Variants in PTPRG observed in about 807,000 individuals in gnomAD.
PTPRG encodes the protein protein tyrosine phosphatase receptor type G.
Under a neutral mutation model 165.3 loss-of-function variants are expected in PTPRG, and 102 were observed. The observed-to-expected ratio is 0.62, with a 90% CI of 0.53 to 0.73. The LOEUF is 0.73. PTPRG is among the 30% of genes least tolerant of loss of function. PTPRG has a pLI of 0.00. For missense variants in PTPRG, 1,866 were observed against 1,861.4 expected (o/e 1.00, Z -0.05); for synonymous variants, 675 against 669.5 (o/e 1.01, Z -0.13).
chr3:61,676,143 G>A (rs1418649288), intron 1 of PTPRG, among the ~76,000 whole-genome samples: 3 of 152,084 alleles, frequency 2.0e-5, no homozygotes, highest in Non-Finnish European at 2.9e-5. Flanking sequence ...AAACAATCAT[G>A]AAAAATCTTT....
intron 5 of PTPRG, among the ~76,000 whole-genome samples, chr3:62,097,047 T>A (rs559084216): frequency 1.3e-5 from 2 of 152,210 alleles, no homozygotes; most frequent in African/African-American, 4.8e-5. Flanking sequence ...TTGACAACAT[T>A]AGCAACCCAC....
At chr3:61,894,621 C>T (rs990937467) in intron 2 of PTPRG, among the ~76,000 whole-genome samples, 1 of 152,078 alleles carries the variant, frequency 6.6e-6, no homozygotes, top group Non-Finnish European at 1.5e-5. Context: ...TAAAGGTAAT[C>T]GCCTAACTTA....
Position 61,600,171 on chromosome 3 carries a change from AAAAT to A in PTPRG, c.85+37801_85+37804del, listed in dbSNP as rs1352653035. Among the ~76,000 whole-genome samples, 208 of 107,224 alleles carry A rather than the reference AAAAT, an allele frequency of 1.9e-3. 1 individual carries two copies. The South Asian group carries it at 0.02, about 10-fold the overall frequency. The allele number at this position is 107,224 out of a possible 152,430, so 70.3% of individuals were successfully genotyped here. On this transcript the variant is annotated intron_variant, in intron 1 of 29. Coordinates refer to ENST00000474889, the MANE Select transcript of PTPRG (RefSeq NM_002841.4). ...TGAGACATTGTCTCAAAAAAAAAAA[AAAAT>A]ATATATATATATATATATGTGTGTG...
intron 2 of PTPRG, among the ~76,000 whole-genome samples, chr3:61,822,164 A>G (rs140285896): frequency 1.3e-5 from 2 of 152,228 alleles, no homozygotes; most frequent in African/African-American, 4.8e-5. Context: ...ATGCTCCTCT[A>G]TGGCAACATT....
At chr3:61,821,941 G>A (rs943242784) in intron 2 of PTPRG, among the ~76,000 whole-genome samples, 6 of 152,222 alleles carry the variant, frequency 3.9e-5, no homozygotes, top group Non-Finnish European at 8.8e-5. Context: ...CCAAGTGCGT[G>A]CAGAAGCATA....
intron 27 of PTPRG, 72 bp downstream of exon 27, chr3:62,281,781 A>G: frequency 7.3e-7 from 1 of 1,366,772 alleles, no homozygotes; most frequent in Non-Finnish European, 9.9e-7. Context: ...TAATAATGAA[A>G]TAATTTACCA....
At position 62,293,552 on chromosome 3, in the gene PTPRG, C is replaced by CTGT; in HGVS notation, c.*245_*246insTGT. The CTGT allele has an allele frequency of 3.1e-6, 1 of 320,122 alleles. No homozygotes were observed. Among genetic ancestry groups the CTGT allele is most frequent in the Non-Finnish European group, 5.7e-6 (1 of 176,058 alleles). The allele number at this position is 320,122 out of a possible 1,614,324, so 19.8% of individuals were successfully genotyped here. A position where few individuals can be genotyped will look rare whatever the true frequency, so the allele number is the denominator to read the frequency against. On this transcript the variant is annotated 3_prime_UTR_variant, in exon 30 of 30. Transcript: ENST00000474889. Reference sequence around the variant, plus strand: ...TTGCACTATATGATCAGTGTTACTGCCTATAATCTTATACAACAGCAAACC... The same window carrying CTGT: ...TTGCACTATATGATCAGTGTTACTGCTGTCTATAATCTTATACAACAGCAAACC...
intron 5 of PTPRG, among the ~76,000 whole-genome samples, chr3:62,097,867 C>G (rs1284391856): frequency 6.6e-6 from 1 of 152,124 alleles, no homozygotes; most frequent in East Asian, 1.9e-4. Flanking sequence ...ATTTGAGATT[C>G]TCAAAAGCAC....
intron 1 of PTPRG, among the ~76,000 whole-genome samples, chr3:61,697,128 A>T (rs1049167654): frequency 6.6e-6 from 1 of 152,002 alleles, no homozygotes. Flanking sequence ...TAGGAGGGCC[A>T]CTCTCTGGCT....
chr3:61,972,951 G>T (rs565396955), intron 2 of PTPRG, among the ~76,000 whole-genome samples: 7 of 152,028 alleles, frequency 4.6e-5, no homozygotes, highest in African/African-American at 1.7e-4. Context: ...GCATCTCTGT[G>T]CCTGGCCTGG....
At chr3:61,974,523 A>G (rs937220708) in intron 2 of PTPRG, among the ~76,000 whole-genome samples, 1 of 152,032 alleles carries the variant, frequency 6.6e-6, no homozygotes, top group African/African-American at 2.4e-5. Context: ...GTTGCACTAC[A>G]GCCTGGGCAA....
rs1009457563 is a variant in PTPRG, at chr3:61,561,847, A to G, written c.-441A>G. On this transcript the variant is annotated 5_prime_UTR_variant, in exon 1 of 30. Transcript: ENST00000474889. Reference sequence around the variant, plus strand: ...AAGGAGCTGCCTGCCTGAAGCCCGGAGACGCCGCGCCGCGCTCAGCCCCGC... The same window carrying G: ...AAGGAGCTGCCTGCCTGAAGCCCGGGGACGCCGCGCCGCGCTCAGCCCCGC... 6.5e-6 allele frequency: 1 copy of G among 152,962 alleles called. No individual in the cohort carries two copies. Among genetic ancestry groups the G allele is most frequent in the Non-Finnish European group, 1.5e-5 (1 of 68,756 alleles). The allele number at this position is 152,962 out of a possible 1,614,324, so 9.5% of individuals were successfully genotyped here.
chr3:62,172,833 T>C (rs929336663), intron 8 of PTPRG, among the ~76,000 whole-genome samples: 2 of 152,234 alleles, frequency 1.3e-5, no homozygotes, highest in Non-Finnish European at 2.9e-5. Context: ...CTGATAATTA[T>C]TGGAAGCTTT....
chr3:61,738,972 TTTTTTTTTTTTTTTTTTTG>T (rs1206183267), intron 1 of PTPRG, among the ~76,000 whole-genome samples: 2 of 46,338 alleles, frequency 4.3e-5, no homozygotes, highest in South Asian at 5.2e-4. Flanking sequence ...GCTCTGTTGC[TTTTTTTTTTTTTTTTTTTG>T]TTTTTTTTTT....
At chr3:61,631,858 C>T (rs1050377214) in intron 1 of PTPRG, among the ~76,000 whole-genome samples, 1 of 152,022 alleles carries the variant, frequency 6.6e-6, no homozygotes, top group Non-Finnish European at 1.5e-5. Flanking sequence ...TGGAACCTCC[C>T]TTCAAGGAAT....
intron 2 of PTPRG, among the ~76,000 whole-genome samples, chr3:61,977,816 G>T (rs1002154544): frequency 6.6e-6 from 1 of 152,140 alleles, no homozygotes; most frequent in African/African-American, 2.4e-5. Flanking sequence ...ATGTAAAAAG[G>T]AATCTGTGTG....
intron 8 of PTPRG, among the ~76,000 whole-genome samples, chr3:62,185,344 AG>A (rs1469169974): frequency 1.3e-5 from 2 of 152,212 alleles, no homozygotes; most frequent in African/African-American, 4.8e-5. Context: ...CATGGTTAAA[AG>A]GCTTCAATTT....
At chr3:62,092,112 A>G in intron 5 of PTPRG, among the ~76,000 whole-genome samples, 1 of 60,176 alleles carries the variant, frequency 1.7e-5, no homozygotes, top group East Asian at 3.9e-4. Flanking sequence ...ACACACACAC[A>G]CACACACACA....
Position 61,608,200 on chromosome 3 carries a change from C to T in PTPRG, c.85+45828C>T, listed in dbSNP as rs75325326. Reference sequence around the variant, plus strand: ...TATCTTCCTTCTTCGTACAGAGCCTCGGTTTTGTACAGATATCTGTCCTCC... The same window carrying T: ...TATCTTCCTTCTTCGTACAGAGCCTTGGTTTTGTACAGATATCTGTCCTCC... On this transcript the variant is annotated intron_variant, in intron 1 of 29. Transcript: ENST00000474889. 3.2e-4 allele frequency among the ~76,000 whole-genome samples: 48 copies of T among 152,044 alleles called. No homozygotes were observed. In the East Asian group the frequency reaches 8.3e-3, roughly 26 times the overall value.
Sources: gnomAD v4.1 joint callset for allele counts (sites outside exome capture counted in the v4.1 genomes callset) on GRCh38, gnomAD v4.1.1 for gene constraint, MANE v1.5 for transcripts, NCBI Gene and HGNC (gene_info 2026-07-23, HGNC 2026-07-21) for gene names.